MAP3K5: variants seen among roughly 807,000 people sequenced by gnomAD.
The protein encoded by MAP3K5 is mitogen-activated protein kinase kinase kinase 5, also known as ASK-1.
A neutral mutation model predicts 158.7 loss-of-function variants in MAP3K5; 56 were observed. The ratio of observed to expected loss-of-function variants is 0.35; its 90% CI spans 0.28 to 0.44. The LOEUF is 0.44. MAP3K5 is among the 20% of genes least tolerant of loss of function. MAP3K5 has a pLI of 1.00. For synonymous variants in MAP3K5, 579 were observed against 601.7 expected, an observed-to-expected ratio of 0.96 and a Z score of 0.55; for missense variants, 1,294 against 1,674.8, an observed-to-expected ratio of 0.77 and a Z score of 3.97.
chr6:136,741,146 T>TA (rs1782689878), intron 1 of MAP3K5, among the ~76,000 whole-genome samples: 1 of 152,134 alleles, frequency 6.6e-6, no homozygotes, highest in Non-Finnish European at 1.5e-5. Flanking sequence ...AGGCAAATGA[T>TA]AAACAATTTA....
intron 14 of MAP3K5, among the ~76,000 whole-genome samples, chr6:136,632,700 G>A (rs764185894): frequency 3.3e-4 from 50 of 152,220 alleles, no homozygotes; most frequent in African/African-American, 1.2e-3. Context: ...AGGAAAGAAC[G>A]GGCATGAGGG....
At chr6:136,760,016 T>C (rs1285057510) in intron 1 of MAP3K5, among the ~76,000 whole-genome samples, 2 of 152,174 alleles carry the variant, frequency 1.3e-5, no homozygotes, top group Non-Finnish European at 2.9e-5. Flanking sequence ...AATATCCATA[T>C]TAGTTTAAGA....
intron 21 of MAP3K5, among the ~76,000 whole-genome samples, chr6:136,597,180 G>T (rs191804806): frequency 9.2e-5 from 14 of 152,278 alleles, no homozygotes; most frequent in African/African-American, 2.9e-4. Flanking sequence ...GATGGGAAGG[G>T]GTGTGAGCCC....
At chr6:136,583,230 C>T (rs1480554876) in intron 24 of MAP3K5, among the ~76,000 whole-genome samples, 1 of 152,134 alleles carries the variant, frequency 6.6e-6, no homozygotes, top group Non-Finnish European at 1.5e-5. Flanking sequence ...AAATGTATGA[C>T]TAAAGTGTGT....
rs745715665 is a variant in MAP3K5 at position 136,611,314 on chromosome 6, G to A, written c.2489C>T (p.Ala830Val). ...ISDFGTSKRL[A>V]GINPCTETFT... Reference sequence around the variant, plus strand: ...AGTTTCAGTACAGGGGTTTATGCCAGCAAGCCTCTTTGATGTTCCGAAGTC... The same window carrying A: ...AGTTTCAGTACAGGGGTTTATGCCAACAAGCCTCTTTGATGTTCCGAAGTC... Residue 830 changes from alanine to valine, a missense_variant, in exon 18 of 30, where the codon GCT becomes GTT. Ala to Val is a moderately conservative substitution (Grantham distance 64, BLOSUM62 0). Coordinates refer to ENST00000359015, the MANE Select transcript of MAP3K5 (RefSeq NM_005923.4). 3 of 1,613,034 alleles carry A rather than the reference G, an allele frequency of 1.9e-6. No homozygotes were observed. Among genetic ancestry groups the A allele is most frequent in the African/African-American group, 2.7e-5 (2 of 74,946 alleles).
intron 18 of MAP3K5, among the ~76,000 whole-genome samples, chr6:136,608,065 T>C (rs1405115829): frequency 6.6e-6 from 1 of 151,956 alleles, no homozygotes. Context: ...ACAGCTGGGG[T>C]AGCGGCAGGA....
intron 1 of MAP3K5, among the ~76,000 whole-genome samples, chr6:136,745,530 T>C (rs978920979): frequency 7.9e-5 from 12 of 152,250 alleles, no homozygotes; most frequent in African/African-American, 2.9e-4. Flanking sequence ...CTTTCTCCCC[T>C]TCTTTGAGCT....
intron 1 of MAP3K5, among the ~76,000 whole-genome samples, chr6:136,731,495 C>A (rs567687600): frequency 6.6e-6 from 1 of 152,274 alleles, no homozygotes; most frequent in African/African-American, 2.4e-5. Context: ...TCGCCCTCTG[C>A]CTCTTTTACA....
intron 14 of MAP3K5, chr6:136,630,394 T>C (rs553670221): frequency 1.3e-5 from 2 of 152,082 alleles, no homozygotes; most frequent in Non-Finnish European, 2.9e-5. Flanking sequence ...CTCCAGCACA[T>C]GGAATGGTGC....
At chr6:136,583,863 A>G in intron 23 of MAP3K5, 123 bp from the exon 24 acceptor site, 1 of 836,768 alleles carries the variant, frequency 1.2e-6, no homozygotes, top group South Asian at 1.8e-5. Flanking sequence ...AGGTCTCACT[A>G]TATTGCCCAG....
chr6:136,742,971 T>A (rs948144549), intron 1 of MAP3K5, among the ~76,000 whole-genome samples: 4 of 152,034 alleles, frequency 2.6e-5, no homozygotes, highest in South Asian at 4.2e-4. Flanking sequence ...GGCAGGAGGA[T>A]CACTTAAGGC....
At chr6:136,764,340 T>C (rs902687262) in intron 1 of MAP3K5, among the ~76,000 whole-genome samples, 2 of 152,202 alleles carry the variant, frequency 1.3e-5, no homozygotes, top group African/African-American at 4.8e-5. Context: ...AACAGACTGA[T>C]AGCTTCCATG....
intron 18 of MAP3K5, among the ~76,000 whole-genome samples, chr6:136,608,278 A>C (rs1776186007): frequency 6.6e-6 from 1 of 152,194 alleles, no homozygotes; most frequent in South Asian, 2.1e-4. Flanking sequence ...AACAAAAAAA[A>C]AAAGCAAGCC....
rs146748887 is a variant in MAP3K5 at position 136,775,699 on chromosome 6, G to C, written c.448+16011C>G. Among the ~76,000 whole-genome samples, 4 of 152,264 alleles carry C rather than the reference G, an allele frequency of 2.6e-5. No individual in the cohort carries two copies. In the East Asian group the frequency reaches 7.7e-4, roughly 29 times the overall value. On this transcript the variant is annotated intron_variant, in intron 1 of 29. Coordinates refer to ENST00000359015, the MANE Select transcript of MAP3K5 (RefSeq NM_005923.4). ...TCCAATGTGTCTAATGATGTTTTTA[G>C]AGGAACATACAAGCCTATTAAATAG...
intron 1 of MAP3K5, among the ~76,000 whole-genome samples, chr6:136,721,070 T>G (rs564247492): frequency 6.6e-6 from 1 of 152,276 alleles, no homozygotes; most frequent in East Asian, 1.9e-4. Flanking sequence ...TGAGCCACCA[T>G]GCCTGGCCCA....
chr6:136,662,511 T>A (rs1779048023), intron 8 of MAP3K5, among the ~76,000 whole-genome samples: 1 of 151,902 alleles, frequency 6.6e-6, no homozygotes, highest in African/African-American at 2.4e-5. Context: ...GTCTCTTCCT[T>A]TCTCTCTCTC....
intron 2 of MAP3K5, among the ~76,000 whole-genome samples, chr6:136,712,880 T>C (rs975294915): frequency 6.6e-6 from 1 of 152,198 alleles, no homozygotes; most frequent in East Asian, 1.9e-4. Flanking sequence ...TCTGCTGCCA[T>C]GTAAGATGTG....
intron 1 of MAP3K5, among the ~76,000 whole-genome samples, chr6:136,752,557 G>A (rs544644828): frequency 3.3e-5 from 5 of 152,148 alleles, no homozygotes; most frequent in African/African-American, 9.7e-5. Context: ...GATTACAGGC[G>A]CGTGCCACCA....
chr6:136,605,656 A>G (rs1776068565), intron 18 of MAP3K5, among the ~76,000 whole-genome samples: 1 of 152,216 alleles, frequency 6.6e-6, no homozygotes, highest in Admixed American at 6.5e-5. Context: ...GCATCATTTC[A>G]TTGGGCTTCT....
Sources: gnomAD v4.1 joint callset for allele counts (sites outside exome capture counted in the v4.1 genomes callset) on GRCh38, gnomAD v4.1.1 for gene constraint, MANE v1.5 for transcripts, NCBI Gene and HGNC (gene_info 2026-07-23, HGNC 2026-07-21) for gene names.